The following BMP7 variants were observed in gnomAD, a reference collection of about 807,000 sequenced individuals.
BMP7 encodes bone morphogenetic protein 7.
In BMP7, 12 loss-of-function variants were observed where a neutral mutation model predicts 41.2. That is an observed-to-expected ratio of 0.29 (90% confidence interval 0.19 to 0.47). The LOEUF (loss-of-function observed/expected upper bound fraction) is 0.47, where lower values mean the gene tolerates loss of function less well. Among genes scored for constraint, BMP7 ranks in the 20% least tolerant of loss-of-function variants. The pLI, the probability that BMP7 is intolerant of heterozygous loss-of-function variation, is 0.99. For synonymous variants in BMP7, 248 were observed against 250.0 expected (o/e 0.99, Z 0.07); for missense variants, 467 against 606.0 (o/e 0.77, Z 2.41).
intron 3 of BMP7, among the ~76,000 whole-genome samples, chr20:57,189,839 G>A (rs991119480): frequency 1.3e-5 from 2 of 152,208 alleles, no homozygotes; most frequent in Non-Finnish European, 2.9e-5. Context: ...ATGAGAACAC[G>A]ACCACCCTGG....
At chr20:57,179,316 C>A (rs1022530307) in intron 4 of BMP7, among the ~76,000 whole-genome samples, 2 of 152,230 alleles carry the variant, frequency 1.3e-5, no homozygotes, top group Non-Finnish European at 2.9e-5. Context: ...AGCCCTGACG[C>A]CAGCACCGGG....
chr20:57,265,976 C>T lies in BMP7; in HGVS notation c.147G>A (p.Gln49=), dbSNP rs766457017. Residue 49 remains glutamine, a synonymous_variant, in exon 1 of 7, where the codon CAG becomes CAA. Transcript: ENST00000395863. The part of the protein sequence containing the change: ...SSFIHRRLRS[Q]ERREMQREIL... Reference sequence around the variant, plus strand: ...TCTCGCGCTGCATCTCCCGCCGCTCCTGGCTGCGGAGGCGCCGGTGGATGA... The same window carrying T: ...TCTCGCGCTGCATCTCCCGCCGCTCTTGGCTGCGGAGGCGCCGGTGGATGA... The T allele has an allele frequency of 1.8e-5, 28 of 1,551,442 alleles. No homozygotes were observed. In the East Asian group the frequency reaches 6.6e-4, roughly 36 times the overall value.
rs568472364 is a variant in BMP7, at chr20:57,242,934, C to T, written c.419-14513G>A. 8.1e-4 allele frequency among the ~76,000 whole-genome samples: 124 copies of T among 152,164 alleles called. 1 individual carries two copies. Among genetic ancestry groups the T allele is most frequent in the African/African-American group, 2.8e-3 (118 of 41,518 alleles). On this transcript the variant is annotated intron_variant, in intron 1 of 6. Coordinates refer to ENST00000395863, the MANE Select transcript of BMP7 (RefSeq NM_001719.3). ...ACAAGAATCACTTGAACCCAGGAGG[C>T]GGAGGTTGCAGTGAGCCAAGATGGT...
intron 2 of BMP7, among the ~76,000 whole-genome samples, chr20:57,207,845 C>T (rs186722997): frequency 0.025 from 2,777 of 111,312 alleles, 113 homozygotes; most frequent in African/African-American, 0.093. Context: ...TTTTTTGAGA[C>T]GGAGTCTCGC....
At chr20:57,205,295 A>T (rs1314892311) in intron 2 of BMP7, among the ~76,000 whole-genome samples, 1 of 152,238 alleles carries the variant, frequency 6.6e-6, no homozygotes, top group Non-Finnish European at 1.5e-5. Flanking sequence ...AATTAAAGTC[A>T]TGAGATTATT....
At chr20:57,175,466 C>T (rs940182292) in intron 4 of BMP7, among the ~76,000 whole-genome samples, 1 of 152,130 alleles carries the variant, frequency 6.6e-6, no homozygotes, top group Non-Finnish European at 1.5e-5. Flanking sequence ...CAAGAGGATG[C>T]GGGACAGGGC....
chr20:57,254,017 C>CTTTTTTTTTTTTTTTTTT (rs35180643), intron 1 of BMP7, among the ~76,000 whole-genome samples: 1 of 71,532 alleles, frequency 1.4e-5, no homozygotes, highest in Non-Finnish European at 2.4e-5. Context: ...GGTTTCTTTC[C>CTTTTTTTTTTTTTTTTTT]TTTTTTTTTT....
Position 57,265,785 on chromosome 20 carries a change from G to A in BMP7, c.338C>T (p.Thr113Ile), listed in dbSNP as rs1262451970. The change falls in exon 1 of 7, where the codon ACC (threonine) becomes ATC (isoleucine). Residue 113 changes from threonine to isoleucine, a missense_variant. This residue lies in a region of BMP7 where 407 missense variants were observed against 485.9 expected (regional missense o/e 0.84). Coordinates refer to ENST00000395863, the MANE Select transcript of BMP7 (RefSeq NM_001719.3). The stretch of plus-strand genomic sequence containing the variant: ...CAGGCTGGCCAGAGGGGGGCCCTGG[G>A]TACTGAAGACGGCCTTGTAGGGGTA... ...FSYPYKAVFS[T>I]QGPPLASLQD... 1.2e-6 allele frequency: 2 copies of A among 1,610,370 alleles called. No homozygotes were observed. The highest frequency in any genetic ancestry group is 2.2e-5 in the South Asian group (2 of 90,094).
chr20:57,178,421 C>A (rs1983988325), intron 4 of BMP7, among the ~76,000 whole-genome samples: 1 of 152,024 alleles, frequency 6.6e-6, no homozygotes, highest in Non-Finnish European at 1.5e-5. Flanking sequence ...AGGGGGAGCC[C>A]AGAGGCCCCT....
intron 4 of BMP7, among the ~76,000 whole-genome samples, chr20:57,175,545 C>T (rs1032132694): frequency 6.6e-6 from 1 of 152,186 alleles, no homozygotes; most frequent in Non-Finnish European, 1.5e-5. Context: ...AACCTGATGA[C>T]CTTTCAGAAG....
At position 57,170,880 on chromosome 20, in the gene BMP7, G is replaced by A. The variant is rs1212596216; in HGVS notation, c.*79C>T. 48 of 1,569,348 alleles carry A rather than the reference G, an allele frequency of 3.1e-5. 1 individual carries two copies. Among genetic ancestry groups the A allele is most frequent in the Non-Finnish European group, 4.2e-5 (48 of 1,153,238 alleles). On this transcript the variant is annotated 3_prime_UTR_variant, in exon 7 of 7. Coordinates refer to ENST00000395863, the MANE Select transcript of BMP7 (RefSeq NM_001719.3). ...GGGAAGGTCTCACAAAAGGCAGTTGGTCTGCTGGTTCCTGGCCAAGGCGAG... is the reference window on the plus strand; with the variant it reads ...GGGAAGGTCTCACAAAAGGCAGTTGATCTGCTGGTTCCTGGCCAAGGCGAG...
At chr20:57,199,661 C>T (rs1984577744) in intron 3 of BMP7, among the ~76,000 whole-genome samples, 1 of 152,192 alleles carries the variant, frequency 6.6e-6, no homozygotes, top group African/African-American at 2.4e-5. Context: ...AAAGCATTTT[C>T]ACAGCCATGA....
intron 2 of BMP7, among the ~76,000 whole-genome samples, chr20:57,205,007 C>A (rs1409751970): frequency 6.6e-6 from 1 of 152,140 alleles, no homozygotes; most frequent in African/African-American, 2.4e-5. Flanking sequence ...GTTTTTCCAT[C>A]TTCGGCCATG....
intron 2 of BMP7, among the ~76,000 whole-genome samples, chr20:57,222,713 C>G (rs1985216721): frequency 1.3e-5 from 2 of 152,114 alleles, no homozygotes; most frequent in South Asian, 2.1e-4. Context: ...TGACCTGGCA[C>G]ATCCTGAGAA....
intron 2 of BMP7, among the ~76,000 whole-genome samples, chr20:57,206,261 G>T (rs113850715): frequency 1.3e-5 from 2 of 152,108 alleles, no homozygotes; most frequent in South Asian, 4.2e-4. Context: ...ACCTAAATGC[G>T]TTCTTTCACC....
chr20:57,199,431 T>C (rs1268043737), intron 3 of BMP7, among the ~76,000 whole-genome samples: 1 of 152,180 alleles, frequency 6.6e-6, no homozygotes, highest in Non-Finnish European at 1.5e-5. Flanking sequence ...ACTACTTGGC[T>C]GACAGGAGCA....
At chr20:57,256,906 AGAAAT>A (rs1006695065) in intron 1 of BMP7, among the ~76,000 whole-genome samples, 2 of 152,174 alleles carry the variant, frequency 1.3e-5, no homozygotes, top group African/African-American at 4.8e-5. Context: ...AAAGAAAAAA[AGAAAT>A]AAGTTGTATA....
chr20:57,184,045 T>G (rs570443936), intron 3 of BMP7, 126 bp from the exon 4 acceptor site: 1 of 1,120,794 alleles, frequency 8.9e-7, no homozygotes, highest in African/African-American at 1.5e-5. Flanking sequence ...CCAGTAAGTA[T>G]TTATTGAGTA....
At chr20:57,173,452 G>T in intron 5 of BMP7, 142 bp from the exon 6 acceptor site, 3 of 795,394 alleles carry the variant, frequency 3.8e-6, no homozygotes, top group Non-Finnish European at 6.4e-6. Context: ...GCAGCAGGGG[G>T]CCCAGCAGGG....
Sources: gnomAD v4.1 joint callset for allele counts (sites outside exome capture counted in the v4.1 genomes callset) on GRCh38, gnomAD v4.1.1 for gene constraint, gnomAD v4.1.1 regional missense constraint, MANE v1.5 for transcripts, NCBI Gene and HGNC (gene_info 2026-07-23, HGNC 2026-07-21) for gene names.